Variants in GAA observed in about 807,000 individuals in gnomAD.
GAA encodes the protein alpha glucosidase, also known as lysosomal alpha-glucosidase.
In GAA, 88 loss-of-function variants were observed where a neutral mutation model predicts 103.9. That is an observed-to-expected ratio of 0.85 (90% CI 0.71 to 1.01). GAA has a LOEUF of 1.01. GAA is among the 50% of genes least tolerant of loss of function. GAA has a pLI of 0.00. For synonymous variants in GAA, 572 were observed against 563.1 expected, an observed-to-expected ratio of 1.02 and a Z score of -0.22; for missense variants, 1,350 against 1,305.3, an observed-to-expected ratio of 1.03 and a Z score of -0.53.
Position 80,108,545 on chromosome 17 carries a change from T to G in GAA, c.1132T>G (p.Tyr378Asp). 6.2e-7 allele frequency: 1 copy of G among 1,612,918 alleles called. No homozygotes were observed. Among genetic ancestry groups the G allele is most frequent in the Middle Eastern group, 1.6e-4 (1 of 6,062 alleles). ...GLGFHLCRWG[Y>D]SSTAITRQVV... ...GGGCTTCCACCTGTGCCGCTGGGGC[T>G]ACTCCTCCACCGCTATCACCCGCCA... is the stretch of plus-strand genomic sequence containing the variant. The change falls in exon 7 of 20, where the codon TAC (tyrosine) becomes GAC (aspartate). Residue 378 changes from tyrosine (Y) to aspartate (D), a missense_variant. Transcript: ENST00000302262.
rs561721020 is a variant in GAA, at chr17:80,111,138, G to A, written c.1636+113G>A. The A allele has an allele frequency of 5.6e-6, 5 of 890,430 alleles. No individual in the cohort carries two copies. The East Asian group carries it at 1.1e-4, about 19-fold the overall frequency. The allele number at this position is 890,430 out of a possible 1,614,324, so 55.2% of individuals were successfully genotyped here. The stretch of plus-strand genomic sequence containing the variant: ...AGAAGCAGATGGGCCAGCGGGGAAA[G>A]GGGCGGGGGGGGGATCCCCAGGAGA... On this transcript the variant is annotated intron_variant, in intron 11 of 19. Coordinates refer to ENST00000302262, the MANE Select transcript of GAA (RefSeq NM_000152.5).
At chr17:80,117,826 G>A in intron 17 of GAA, 77 bp downstream of exon 17, 2 of 1,459,580 alleles carry the variant, frequency 1.4e-6, no homozygotes, top group South Asian at 2.5e-5. Context: ...GAGATGGTGG[G>A]GGAGAGGCCC....
intron 8 of GAA, among the ~76,000 whole-genome samples, chr17:80,109,561 C>T (rs533949517): frequency 2.0e-5 from 3 of 152,378 alleles, no homozygotes; most frequent in African/African-American, 7.2e-5. Context: ...TGCCTGTTTC[C>T]ATCCCTGCCT....
intron 19 of GAA, 48 bp from the exon 20 acceptor site, chr17:80,119,224 C>T (rs1234393679): frequency 1.3e-6 from 2 of 1,584,794 alleles, no homozygotes; most frequent in East Asian, 2.2e-5. Flanking sequence ...TGGGGTCTCA[C>T]TGCTGCTGGG....
intron 15 of GAA, among the ~76,000 whole-genome samples, chr17:80,115,925 A>G (rs2039345256): frequency 6.6e-6 from 1 of 152,196 alleles, no homozygotes; most frequent in Non-Finnish European, 1.5e-5. Context: ...ACACTTAGCT[A>G]GGCCAAGGAT....
chr17:80,112,667 G>A lies in GAA; in HGVS notation c.1844G>A (p.Gly615Glu), dbSNP rs1243515778. The A allele has an allele frequency of 6.2e-7, 1 of 1,612,232 alleles. No individual in the cohort carries two copies. The highest frequency in any genetic ancestry group is 1.7e-5 in the Admixed American group (1 of 59,920). ...GHGRYAGHWT[G>E]DVWSSWEQLA... is the part of the protein sequence containing the mutation. ...GGCCGATACGCCGGCCACTGGACGG[G>A]GGACGTGTGGAGCTCCTGGGAGCAG... The change falls in exon 13 of 20, where the codon GGG becomes GAG. Residue 615 changes from glycine (G) to glutamate (E), a missense_variant. Gly to Glu is a moderately conservative substitution (Grantham distance 98). Coordinates refer to ENST00000302262, the MANE Select transcript of GAA (RefSeq NM_000152.5).
Position 80,119,463 on chromosome 17 carries a change from A to G in GAA, c.*132A>G, listed in dbSNP as rs1383893852. On this transcript the variant is annotated 3_prime_UTR_variant, in exon 20 of 20. Coordinates refer to ENST00000302262, the MANE Select transcript of GAA (RefSeq NM_000152.5). ...CTGGAGCTGGGCACTAACCATTCCA[A>G]GCCGCCGCATCGCTTGTTTCCACCT... 8.9e-6 allele frequency: 7 copies of G among 785,160 alleles called. No individual in the cohort carries two copies. The highest frequency in any genetic ancestry group is 2.0e-5 in the Admixed American group (1 of 51,268). The allele number at this position is 785,160 out of a possible 1,614,324, so 48.6% of individuals were successfully genotyped here. A position where few individuals can be genotyped will look rare whatever the true frequency, so the allele number is the denominator to read the frequency against.
At chr17:80,111,910 GT>G in intron 11 of GAA, 72 bp from the exon 12 acceptor site, 1 of 1,292,830 alleles carries the variant, frequency 7.7e-7, no homozygotes, top group Non-Finnish European at 1.1e-6. Context: ...CTCCTGGGAG[GT>G]GGGGGGCAGG....
In GAA at chr17:80,109,922, T is replaced by C. The variant is rs770183727; in HGVS notation, c.1327-23T>C. 21 of 1,599,330 alleles carry C rather than the reference T, an allele frequency of 1.3e-5. 1 individual carries two copies. Among genetic ancestry groups the C allele is most frequent in the East Asian group, 4.5e-5 (2 of 44,790 alleles). On this transcript the variant is annotated intron_variant, in intron 8 of 19. Coordinates refer to ENST00000302262, the MANE Select transcript of GAA (RefSeq NM_000152.5). ...GCCAGGGCTCTGGGCCACCCTCACC[T>C]TGACAGGTTTCCCTCTTCCCAGGAT... is the stretch of plus-strand genomic sequence containing the variant.
chr17:80,117,899 T>C, intron 17 of GAA, 150 bp downstream of exon 17: 1 of 859,610 alleles, frequency 1.2e-6, no homozygotes, highest in East Asian at 2.7e-5. Context: ...GCCAGGCCAG[T>C]GAGGTGGGGA....
rs922890233 is a variant in GAA at position 80,108,955 on chromosome 17, A to G, written c.1326+127A>G. 4 of 1,260,704 alleles carry G rather than the reference A, an allele frequency of 3.2e-6. No homozygotes were observed. In the African/African-American group the frequency reaches 4.5e-5, roughly 14 times the overall value. The allele number at this position is 1,260,704 out of a possible 1,614,324, so 78.1% of individuals were successfully genotyped here. A position where few individuals can be genotyped will look rare whatever the true frequency, so the allele number is the denominator to read the frequency against. ...GATGTTTTCTGAGGGTCTTTGTGAT[A>G]TCGAGGGAATATCAAGAAGTTTGCA... is the stretch of plus-strand genomic sequence containing the variant. On this transcript the variant is annotated intron_variant, in intron 8 of 19. Coordinates refer to ENST00000302262, the MANE Select transcript of GAA (RefSeq NM_000152.5).
rs1421879461 is a variant in GAA at position 80,108,287 on chromosome 17, C to T, written c.956-3C>T. On this transcript the variant is annotated splice_polypyrimidine_tract_variant and splice_region_variant and intron_variant, in intron 5 of 19. Transcript: ENST00000302262. Reference sequence around the variant, plus strand: ...CCCAACCCCAGAGCTGCTTCCCTTCCAGATGTGGTCCTGCAGCCGAGCCCT... The same window carrying T: ...CCCAACCCCAGAGCTGCTTCCCTTCTAGATGTGGTCCTGCAGCCGAGCCCT... 1 of 1,613,564 alleles carries T rather than the reference C, an allele frequency of 6.2e-7. No homozygotes were observed. The highest frequency in any genetic ancestry group is 1.3e-5 in the African/African-American group (1 of 75,044).
chr17:80,108,303 G>A lies in GAA; in HGVS notation c.969G>A (p.Gln323=), dbSNP rs1266693289. 15 of 1,613,622 alleles carry A rather than the reference G, an allele frequency of 9.3e-6. No individual in the cohort carries two copies. The highest frequency in any genetic ancestry group is 1.3e-5 in the Non-Finnish European group (15 of 1,180,034). Residue 323 remains glutamine, a synonymous_variant, in exon 6 of 20, where the codon CAG becomes CAA. Transcript: ENST00000302262. ...CTTCCCTTCCAGATGTGGTCCTGCA[G>A]CCGAGCCCTGCCCTTAGCTGGAGGT... ...LNSNAMDVVL[Q]PSPALSWRST...
chr17:80,117,849 T>G (rs1319770081), intron 17 of GAA, 100 bp downstream of exon 17: 1 of 1,253,504 alleles, frequency 8.0e-7, no homozygotes, highest in Non-Finnish European at 1.1e-6. Flanking sequence ...GTGGGGCTTC[T>G]GAGGGGCCGC....
chr17:80,104,516 C>T lies in GAA; in HGVS notation c.-32-39C>T, dbSNP rs917997090. The T allele has an allele frequency of 2.0e-6, 3 of 1,464,480 alleles. No homozygotes were observed. In the African/African-American group the frequency reaches 4.2e-5, roughly 20 times the overall value. 90.7% of individuals were successfully genotyped at this position (1,464,480 alleles called of 1,614,324 possible). On this transcript the variant is annotated intron_variant, in intron 1 of 19. Coordinates refer to ENST00000302262, the MANE Select transcript of GAA (RefSeq NM_000152.5). This position sits in a 1 kb window ranked among gnomAD's most constrained non-coding sequence, Gnocchi z 4.0. Reference sequence around the variant, plus strand: ...TTTGAGAGCCCCGTGAGTGCCGCCCCTCCCGCCTCCCTGCTGAGCCCGCTT... The same window carrying T: ...TTTGAGAGCCCCGTGAGTGCCGCCCTTCCCGCCTCCCTGCTGAGCCCGCTT...
At chr17:80,111,783 G>A in intron 11 of GAA, 200 bp from the exon 12 acceptor site, 1 of 596,072 alleles carries the variant, frequency 1.7e-6, no homozygotes. Context: ...CCCTGTCTTA[G>A]AAGCAGTGGA....
rs771155956 is a variant in GAA, at chr17:80,117,764, C to A, written c.2481+15C>A. ...TCCCCCTGCAGGTACCTGGGCCAGG[C>A]GGCTATGGTGGGGGTGTGGACAGCA... is the stretch of plus-strand genomic sequence containing the variant. On this transcript the variant is annotated intron_variant, in intron 17 of 19. Transcript: ENST00000302262. 1.2e-6 allele frequency: 2 copies of A among 1,600,918 alleles called. No homozygotes were observed. The highest frequency in any genetic ancestry group is 2.7e-5 in the African/African-American group (2 of 74,938).
Position 80,106,390 on chromosome 17 carries a change from C to T in GAA, c.692+496C>T, listed in dbSNP as rs73438109. On this transcript the variant is annotated intron_variant, in intron 3 of 19. Coordinates refer to ENST00000302262, the MANE Select transcript of GAA (RefSeq NM_000152.5). ...ACGCTAGAAGCCAGCTGTGCAGACA[C>T]GGGGCAGGGAGGTCCCCTCTAGAAG... Among the ~76,000 whole-genome samples the T allele has an allele frequency of 5.8e-3, 886 of 152,210 alleles. 7 individuals carry two copies. The highest frequency in any genetic ancestry group is 0.02 in the African/African-American group (821 of 41,518).
At chr17:80,102,183 G>GACGC (rs149485383) in intron 1 of GAA, 19,923 of 152,238 alleles carry the variant, frequency 0.13, 1,615 homozygotes, top group African/African-American at 0.23. Flanking sequence ...GCTCCTGCAG[G>GACGC]ACGCACATGG....
Sources: gnomAD v4.1 joint callset for allele counts (sites outside exome capture counted in the v4.1 genomes callset) on GRCh38, gnomAD v4.1.1 for gene constraint, Gnocchi (gnomAD v3.1) non-coding constraint, MANE v1.5 for transcripts, NCBI Gene and HGNC (gene_info 2026-07-23, HGNC 2026-07-21) for gene names.